The following PPP2R2B variants were observed in gnomAD, a reference collection of about 807,000 sequenced individuals.
The protein encoded by PPP2R2B is serine/threonine-protein phosphatase 2A 55 kDa regulatory subunit B beta isoform.
PPP2R2B carries 5 observed loss-of-function variants against 46.0 expected under a neutral mutation model. The ratio of observed to expected loss-of-function variants is 0.11; its 90% CI spans 0.06 to 0.23. The LOEUF (loss-of-function observed/expected upper bound fraction) is 0.23, where lower values mean the gene tolerates loss of function less well. Among genes scored for constraint, PPP2R2B ranks in the 10% least tolerant of loss-of-function variants. The probability of loss-of-function intolerance (pLI) is 1.00; values close to 1 mark genes in which losing one functional copy is unlikely to be tolerated. For synonymous variants in PPP2R2B, 215 were observed against 206.7 expected (o/e 1.04, Z -0.34); for missense variants, 367 against 575.0 (o/e 0.64, Z 3.70).
In PPP2R2B at chr5:146,845,505, G is replaced by A. The variant is rs185970447; in HGVS notation, c.70+32497C>T. On this transcript the variant is annotated intron_variant, in intron 2 of 9. Coordinates refer to ENST00000394411, the MANE Select transcript of PPP2R2B (RefSeq NM_181675.4). ...CCTGACCTCGTGATCCGCCCGCCTCGGCCTCCTAAAGTGTTGGGATTACAG... is the reference window on the plus strand; with the variant it reads ...CCTGACCTCGTGATCCGCCCGCCTCAGCCTCCTAAAGTGTTGGGATTACAG... Among the ~76,000 whole-genome samples, 1,012 of 151,804 alleles carry A rather than the reference G, an allele frequency of 6.7e-3. 12 individuals carry two copies. The highest frequency in any genetic ancestry group is 0.023 in the African/African-American group (962 of 41,392).
At chr5:146,722,998 G>A (rs1231898298) in intron 2 of PPP2R2B, among the ~76,000 whole-genome samples, 3 of 152,064 alleles carry the variant, frequency 2.0e-5, no homozygotes, top group South Asian at 2.1e-4. Flanking sequence ...ATTCATCCTC[G>A]ATCCTCAGAT....
intron 2 of PPP2R2B, among the ~76,000 whole-genome samples, chr5:146,721,784 C>T (rs950157760): frequency 4.6e-5 from 7 of 152,224 alleles, no homozygotes; most frequent in Admixed American, 3.3e-4. Context: ...GTGTGCCTGG[C>T]ACTGAGCCAC....
chr5:146,808,410 A>T (rs1459835321), intron 2 of PPP2R2B, among the ~76,000 whole-genome samples: 1 of 152,170 alleles, frequency 6.6e-6, no homozygotes, highest in African/African-American at 2.4e-5. Flanking sequence ...TCATCACTCT[A>T]TCACTGGCCT....
chr5:146,910,735 A>G (rs972005764), intron 1 of PPP2R2B, among the ~76,000 whole-genome samples: 4 of 152,220 alleles, frequency 2.6e-5, no homozygotes, highest in African/African-American at 9.6e-5. Context: ...TGTTACCTAT[A>G]GTCTTTCAGA....
At chr5:146,715,491 C>T (rs752018757) in intron 2 of PPP2R2B, among the ~76,000 whole-genome samples, 1 of 152,202 alleles carries the variant, frequency 6.6e-6, no homozygotes, top group East Asian at 1.9e-4. Context: ...TATACATACA[C>T]TCTCTTCCTA....
At chr5:146,739,582 A>C (rs923193039) in intron 2 of PPP2R2B, among the ~76,000 whole-genome samples, 1 of 152,210 alleles carries the variant, frequency 6.6e-6, no homozygotes, top group African/African-American at 2.4e-5. Flanking sequence ...AATATATTAG[A>C]GAAGTAAACT....
intron 2 of PPP2R2B, among the ~76,000 whole-genome samples, chr5:146,876,420 C>G (rs1582334493): frequency 1.0e-5 from 1 of 99,460 alleles, no homozygotes; most frequent in African/African-American, 4.3e-5. Flanking sequence ...AGGCAGCTCT[C>G]TTTCTTTGTG....
chr5:146,744,864 C>A (rs908950621), intron 2 of PPP2R2B, among the ~76,000 whole-genome samples: 2 of 152,106 alleles, frequency 1.3e-5, no homozygotes, highest in African/African-American at 2.4e-5. Context: ...TCACAGCCAC[C>A]CAGAACTTTC....
At chr5:146,874,916 A>T (rs1273242828) in intron 2 of PPP2R2B, among the ~76,000 whole-genome samples, 1 of 152,156 alleles carries the variant, frequency 6.6e-6, no homozygotes, top group Admixed American at 6.5e-5. Context: ...CCATACACAC[A>T]CTTCAAATTT....
intron 1 of PPP2R2B, among the ~76,000 whole-genome samples, chr5:147,000,432 A>G (rs958066763): frequency 6.6e-6 from 1 of 152,060 alleles, no homozygotes; most frequent in African/African-American, 2.4e-5. Context: ...GCTCCTGTAA[A>G]TGTGTTCTGC....
At chr5:146,606,582 C>A (rs925206064) in intron 7 of PPP2R2B, among the ~76,000 whole-genome samples, 6 of 152,140 alleles carry the variant, frequency 3.9e-5, no homozygotes, top group African/African-American at 1.4e-4. Context: ...GTACCCAAAA[C>A]AATAGGGAAG....
At chr5:146,776,080 C>T (rs745961769) in intron 2 of PPP2R2B, among the ~76,000 whole-genome samples, 1 of 152,074 alleles carries the variant, frequency 6.6e-6, no homozygotes, top group Non-Finnish European at 1.5e-5. Flanking sequence ...CAAAGTGACA[C>T]ACAGATTCAA....
intron 7 of PPP2R2B, among the ~76,000 whole-genome samples, chr5:146,616,365 C>T (rs59524033): frequency 0.041 from 6,272 of 152,104 alleles, 318 homozygotes; most frequent in East Asian, 0.23. Flanking sequence ...CACAAGCAAC[C>T]AAAGCAAAAA....
chr5:146,738,667 A>AAGGAAC (rs1488652790), intron 2 of PPP2R2B, among the ~76,000 whole-genome samples: 1 of 152,100 alleles, frequency 6.6e-6, no homozygotes, highest in Non-Finnish European at 1.5e-5. Flanking sequence ...TGTGTGTACC[A>AAGGAAC]AGGAACCAAG....
chr5:146,627,621 G>A (rs1053197902), intron 7 of PPP2R2B, among the ~76,000 whole-genome samples: 10 of 152,178 alleles, frequency 6.6e-5, no homozygotes, highest in Admixed American at 6.5e-4. Context: ...CCTGTCAGAT[G>A]CCCAGCAGAG....
intron 7 of PPP2R2B, among the ~76,000 whole-genome samples, chr5:146,608,638 T>C (rs1282407965): frequency 6.6e-6 from 1 of 151,942 alleles, no homozygotes; most frequent in African/African-American, 2.4e-5. Context: ...CTACTAAAAA[T>C]ACAAAAATTA....
rs569869676 is a variant in PPP2R2B, at chr5:146,684,853, A to G, written c.447+6275T>C. ...GGCCTTGTCAAAGATGTCATTTCTT[A>G]GAGTCCAACTCAAACCTTCTAAACC... On this transcript the variant is annotated intron_variant, in intron 5 of 9. Coordinates refer to ENST00000394411, the MANE Select transcript of PPP2R2B (RefSeq NM_181675.4). 4.6e-5 allele frequency among the ~76,000 whole-genome samples: 7 copies of G among 152,328 alleles called. No homozygotes were observed. In the East Asian group the frequency reaches 9.7e-4, roughly 21 times the overall value.
chr5:146,650,812 A>G, intron 5 of PPP2R2B, 88 bp from the exon 6 acceptor site: 1 of 1,232,160 alleles, frequency 8.1e-7, no homozygotes, highest in Non-Finnish European at 1.1e-6. Context: ...ATTATCACAC[A>G]CAAAATAATA....
At chr5:146,701,219 T>C (rs781228129) in intron 2 of PPP2R2B, 77 bp from the exon 3 acceptor site, 1 of 1,265,282 alleles carries the variant, frequency 7.9e-7, no homozygotes, top group South Asian at 1.2e-5. Flanking sequence ...TATACTTTTC[T>C]GTGCATTTAA....
Sources: gnomAD v4.1 joint callset for allele counts (sites outside exome capture counted in the v4.1 genomes callset) on GRCh38, gnomAD v4.1.1 for gene constraint, MANE v1.5 for transcripts, NCBI Gene and HGNC (gene_info 2026-07-23, HGNC 2026-07-21) for gene names.